The following ZNF462 variants were observed in gnomAD, a reference collection of about 807,000 sequenced individuals.
ZNF462 encodes zinc finger protein 462, also known as zinc finger PBX1-interacting protein.
In ZNF462, 10 loss-of-function variants were observed where a neutral mutation model predicts 201.9. That is an observed-to-expected ratio of 0.05 (90% CI 0.03 to 0.08). ZNF462 has a LOEUF of 0.08. ZNF462 is among the 10% of genes least tolerant of loss of function. The pLI is 1.00. For missense variants in ZNF462, 2,523 were observed against 3,168.3 expected (o/e 0.80, Z 4.89); for synonymous variants, 1,227 against 1,193.3 (o/e 1.03, Z -0.58).
Position 106,962,418 on chromosome 9 carries a change from G to A in ZNF462, c.6428-9587G>A, listed in dbSNP as rs1317492978. ...CAAATGAATATGTTCCCAAGTATAC[G>A]ATCTAGTGAATTGAAAAGTCCAGGA... On this transcript the variant is annotated intron_variant, in intron 7 of 12. Transcript: ENST00000277225. This position sits in a 1 kb window ranked among gnomAD's most constrained non-coding sequence, Gnocchi z 4.6. Among the ~76,000 whole-genome samples the A allele has an allele frequency of 1.3e-5, 2 of 151,998 alleles. No individual in the cohort carries two copies. Among genetic ancestry groups the A allele is most frequent in the African/African-American group, 2.4e-5 (1 of 41,412 alleles).
chr9:106,974,309 G>A lies in ZNF462; in HGVS notation c.6832+36G>A, dbSNP rs772795293. The A allele has an allele frequency of 2.5e-6, 4 of 1,613,798 alleles. No homozygotes were observed. Among genetic ancestry groups the A allele is most frequent in the African/African-American group, 2.7e-5 (2 of 74,912 alleles). ...TAACTTGGTTTTCTTGGATGCAGCG[G>A]GGGGCAGGCAGCAGAGATGGCCTTC... is the stretch of plus-strand genomic sequence containing the variant. On this transcript the variant is annotated intron_variant, in intron 9 of 12. Transcript: ENST00000277225. The surrounding 1 kb of genome is among the most constrained non-coding windows in gnomAD (Gnocchi z 4.0).
At chr9:106,911,093 C>T (rs796720695) in intron 1 of ZNF462, among the ~76,000 whole-genome samples, 1 of 149,110 alleles carries the variant, frequency 6.7e-6, no homozygotes, top group Non-Finnish European at 1.5e-5. Context: ...TGTCATGAAC[C>T]CTTCTGAAGT....
chr9:106,868,579 A>G (rs548294407), intron 1 of ZNF462, among the ~76,000 whole-genome samples: 1 of 152,330 alleles, frequency 6.6e-6, no homozygotes, highest in South Asian at 2.1e-4. Flanking sequence ...ACCAGGCAGA[A>G]CTTCCAACTT....
chr9:106,991,804 T>C (rs1828287362), intron 10 of ZNF462, among the ~76,000 whole-genome samples: 2 of 150,768 alleles, frequency 1.3e-5, no homozygotes. Context: ...GATTTGTGTA[T>C]GCAGATTATG....
rs1830089945 is a variant in ZNF462, at chr9:106,924,026, T to C, written c.221-107T>C. 1 of 973,000 alleles carries C rather than the reference T, an allele frequency of 1.0e-6. No individual in the cohort carries two copies. Among genetic ancestry groups the C allele is most frequent in the Non-Finnish European group, 1.5e-6 (1 of 668,840 alleles). The allele number at this position is 973,000 out of a possible 1,614,324, so 60.3% of individuals were successfully genotyped here. A position where few individuals can be genotyped will look rare whatever the true frequency, so the allele number is the denominator to read the frequency against. On this transcript the variant is annotated intron_variant, in intron 2 of 12. Coordinates refer to ENST00000277225, the MANE Select transcript of ZNF462 (RefSeq NM_021224.6). The surrounding 1 kb of genome is among the most constrained non-coding windows in gnomAD (Gnocchi z 6.2). ...CCTCATCTTGAGACTTCAGGCCTTT[T>C]GCATGTGATGTTTAGTAATGAAGAA...
chr9:106,984,142 C>A lies in ZNF462; in HGVS notation c.6833-44C>A, dbSNP rs1827652554. On this transcript the variant is annotated intron_variant, in intron 9 of 12. Transcript: ENST00000277225. The surrounding 1 kb of genome is among the most constrained non-coding windows in gnomAD (Gnocchi z 6.4). ...TCCAAAGAAAGAACTTCTGTTTTGC[C>A]ATCAGTAAAAATTCCCATCTTTCCA... is the stretch of plus-strand genomic sequence containing the variant. 3.9e-6 allele frequency: 6 copies of A among 1,548,352 alleles called. No homozygotes were observed. Among genetic ancestry groups the A allele is most frequent in the Non-Finnish European group, 3.5e-6 (4 of 1,133,074 alleles).
chr9:106,864,039 G>GCTCT (rs773917122), intron 1 of ZNF462, among the ~76,000 whole-genome samples: 12 of 22,728 alleles, frequency 5.3e-4, no homozygotes, highest in Non-Finnish European at 6.1e-4. Context: ...CAGGTATTTG[G>GCTCT]CTCTCTCTCT....
rs139091268 is a variant in ZNF462, at chr9:106,984,271, C to T, written c.6918C>T (p.Thr2306=). ...QGVVFRCDKC[T]FTCSSDESLQ... ...TAGTTTTCCGCTGTGATAAGTGTAC[C>T]TTCACCTGCTCCAGTGATGAGAGCC... is the stretch of plus-strand genomic sequence containing the variant. The change falls in exon 10 of 13, where the codon ACC becomes ACT. Residue 2306 remains threonine (T), a synonymous_variant. Transcript: ENST00000277225. The surrounding 1 kb of genome is among the most constrained non-coding windows in gnomAD (Gnocchi z 6.4). The T allele has an allele frequency of 1.2e-6, 2 of 1,614,084 alleles. No individual in the cohort carries two copies. The highest frequency in any genetic ancestry group is 2.2e-5 in the East Asian group (1 of 44,886).
intron 7 of ZNF462, among the ~76,000 whole-genome samples, chr9:106,943,627 C>G (rs1307727730): frequency 1.3e-5 from 2 of 152,206 alleles, no homozygotes; most frequent in Non-Finnish European, 2.9e-5. Context: ...TTGATTTTCA[C>G]TGGCCCCAAA....
rs538667667 is a variant in ZNF462 at position 106,996,188 on chromosome 9, G to A, written c.7057-7106G>A. 4.3e-4 allele frequency among the ~76,000 whole-genome samples: 66 copies of A among 152,256 alleles called. 2 individuals carry two copies. The South Asian group carries it at 0.013, about 31-fold the overall frequency. On this transcript the variant is annotated intron_variant, in intron 10 of 12. Coordinates refer to ENST00000277225, the MANE Select transcript of ZNF462 (RefSeq NM_021224.6). ...GCATAGTATTCCATGGTGTATATGT[G>A]CCACATTTTCTTAATCCAGTCTATT...
intron 10 of ZNF462, among the ~76,000 whole-genome samples, chr9:106,991,015 T>G (rs888877433): frequency 6.6e-6 from 1 of 151,984 alleles, no homozygotes; most frequent in Non-Finnish European, 1.5e-5. Context: ...CAGTGTACAA[T>G]GTACTGAACA....
chr9:106,908,933 ATATATATATTTTTTTTTTTTTTTTTTTT>A lies in ZNF462; in HGVS notation c.-30-14419_-30-14392del, dbSNP rs1216670031. The stretch of plus-strand genomic sequence containing the variant: ...TACATATATATATATATATATATAT[ATATATATATTTTTTTTTTTTTTTTTTTT>A]TTTTTTTTTTTTTTTTTTTGAGACT... On this transcript the variant is annotated intron_variant, in intron 1 of 12. Coordinates refer to ENST00000277225, the MANE Select transcript of ZNF462 (RefSeq NM_021224.6). Among the ~76,000 whole-genome samples the A allele has an allele frequency of 2.6e-3, 93 of 35,962 alleles. 2 individuals carry two copies. The highest frequency in any genetic ancestry group is 9.6e-3 in the Admixed American group (26 of 2,708). 23.6% of individuals were successfully genotyped at this position (35,962 alleles called of 152,430 possible). A position where few individuals can be genotyped will look rare whatever the true frequency, so the allele number is the denominator to read the frequency against.
At chr9:106,999,599 A>G (rs1829023020) in intron 10 of ZNF462, among the ~76,000 whole-genome samples, 1 of 152,180 alleles carries the variant, frequency 6.6e-6, no homozygotes, top group African/African-American at 2.4e-5. Context: ...TGTGTACACT[A>G]TGCCAGGCAT....
intron 5 of ZNF462, among the ~76,000 whole-genome samples, chr9:106,934,206 T>G (rs1418174123): frequency 6.6e-6 from 1 of 150,568 alleles, no homozygotes; most frequent in East Asian, 2.0e-4. Context: ...CTAGAAAAAT[T>G]AAGTAATTTG....
chr9:106,955,993 A>G (rs983415891), intron 7 of ZNF462, among the ~76,000 whole-genome samples: 8 of 152,058 alleles, frequency 5.3e-5, no homozygotes, highest in African/African-American at 1.7e-4. Flanking sequence ...GTTGGAATCA[A>G]CTTCTTCGAC....
At chr9:106,947,682 G>A (rs980266219) in intron 7 of ZNF462, among the ~76,000 whole-genome samples, 5 of 152,196 alleles carry the variant, frequency 3.3e-5, no homozygotes, top group Non-Finnish European at 5.9e-5. Flanking sequence ...AGAAGGGCAC[G>A]AGGAGTGAAA....
intron 1 of ZNF462, among the ~76,000 whole-genome samples, chr9:106,900,753 T>C (rs760645050): frequency 6.6e-6 from 1 of 152,150 alleles, no homozygotes; most frequent in Non-Finnish European, 1.5e-5. Context: ...CTTACTGATT[T>C]GTTTGAATTT....
intron 1 of ZNF462, 114 bp downstream of exon 1, chr9:106,863,469 G>C (rs1827145349): frequency 2.9e-6 from 1 of 344,894 alleles, no homozygotes; most frequent in South Asian, 1.5e-4. Context: ...AGGGTTGGAG[G>C]AGCGGGGAGG....
intron 7 of ZNF462, among the ~76,000 whole-genome samples, chr9:106,967,177 A>AAATAC (rs1236593756): frequency 6.6e-6 from 1 of 152,014 alleles, no homozygotes; most frequent in Non-Finnish European, 1.5e-5. Context: ...AGACATGGAG[A>AAATAC]GGCCTGTATT....
Sources: gnomAD v4.1 joint callset for allele counts (sites outside exome capture counted in the v4.1 genomes callset) on GRCh38, gnomAD v4.1.1 for gene constraint, Gnocchi (gnomAD v3.1) non-coding constraint, MANE v1.5 for transcripts, NCBI Gene and HGNC (gene_info 2026-07-23, HGNC 2026-07-21) for gene names.